Variants in NDST4 observed in about 807,000 individuals in gnomAD.
NDST4 encodes the protein N-deacetylase and N-sulfotransferase 4.
NDST4 carries 63 observed loss-of-function variants against 100.8 expected under a neutral mutation model. That is an observed-to-expected ratio of 0.62 (90% confidence interval 0.51 to 0.77). The LOEUF is 0.77. Ranked by LOEUF, NDST4 falls within the 30% of genes least tolerant of loss-of-function variation. The probability of loss-of-function intolerance (pLI) is 0.00; values close to 1 mark genes in which losing one functional copy is unlikely to be tolerated. For missense variants in NDST4, 943 were observed against 1,018.4 expected (o/e 0.93, Z 1.01); for synonymous variants, 377 against 361.8 (o/e 1.04, Z -0.48).
intron 2 of NDST4, among the ~76,000 whole-genome samples, chr4:115,039,735 T>C (rs1324632095): frequency 1.3e-5 from 2 of 152,122 alleles, no homozygotes; most frequent in Non-Finnish European, 2.9e-5. Context: ...GACAAGAGTG[T>C]GTGGTATATA....
chr4:115,020,755 C>T (rs1053202041), intron 2 of NDST4, among the ~76,000 whole-genome samples: 6 of 151,952 alleles, frequency 3.9e-5, no homozygotes, highest in Admixed American at 3.9e-4. Flanking sequence ...GGACTAAGGA[C>T]ATGAATAGAC....
At chr4:115,053,552 A>G (rs499218) in intron 2 of NDST4, among the ~76,000 whole-genome samples, 23,878 of 152,014 alleles carry the variant, frequency 0.16, 2,288 homozygotes, top group East Asian at 0.46. Flanking sequence ...GGGACATTTT[A>G]CTATATGCTT....
intron 2 of NDST4, among the ~76,000 whole-genome samples, chr4:115,052,591 A>G (rs1432422553): frequency 6.6e-6 from 1 of 151,976 alleles, no homozygotes; most frequent in Non-Finnish European, 1.5e-5. Flanking sequence ...TCCCCTACAC[A>G]AGCTCTCTTG....
intron 6 of NDST4, among the ~76,000 whole-genome samples, chr4:114,931,361 G>C (rs1472785151): frequency 2.6e-5 from 4 of 151,298 alleles, no homozygotes; most frequent in Non-Finnish European, 5.9e-5. Flanking sequence ...TTGTGAAATA[G>C]CTCTAAGAGG....
chr4:114,951,252 T>A (rs1048332074), intron 4 of NDST4, among the ~76,000 whole-genome samples: 2 of 152,078 alleles, frequency 1.3e-5, no homozygotes, highest in Non-Finnish European at 2.9e-5. Context: ...ATTTTTATCA[T>A]CCATGTTCTT....
At chr4:115,099,815 C>T (rs781564021) in intron 1 of NDST4, among the ~76,000 whole-genome samples, 3 of 152,074 alleles carry the variant, frequency 2.0e-5, no homozygotes, top group Non-Finnish European at 4.4e-5. Flanking sequence ...TTGGTATTTA[C>T]TCAATGAGTT....
At chr4:114,975,631 T>C (rs1256532000) in intron 3 of NDST4, among the ~76,000 whole-genome samples, 1 of 152,154 alleles carries the variant, frequency 6.6e-6, no homozygotes, top group Non-Finnish European at 1.5e-5. Context: ...GCACATTTAA[T>C]AGGTCTGAGT....
At chr4:115,059,348 T>C (rs1728769448) in intron 2 of NDST4, among the ~76,000 whole-genome samples, 1 of 152,072 alleles carries the variant, frequency 6.6e-6, no homozygotes, top group Non-Finnish European at 1.5e-5. Context: ...TCCATATTTG[T>C]AGACATGCAA....
intron 2 of NDST4, among the ~76,000 whole-genome samples, chr4:115,061,694 A>G (rs1351767996): frequency 6.6e-6 from 1 of 152,010 alleles, no homozygotes; most frequent in Non-Finnish European, 1.5e-5. Flanking sequence ...AACCTAGATG[A>G]CAGGTTGATG....
chr4:114,833,647 A>T lies in NDST4; in HGVS notation c.2355T>A (p.Phe785Leu). ...AATTATAACGAGGTGTAACTCCCAG[A>T]AACTTCTGGACTTCATCCATCACAG... ...PATVMDEVQK[F>L]LGVTPRYNYS... The change falls in exon 12 of 14, where the codon TTT (phenylalanine) becomes TTA (leucine). Residue 785 changes from phenylalanine to leucine, a missense_variant. Phe to Leu is a conservative substitution (Grantham distance 22, BLOSUM62 0). Coordinates refer to ENST00000264363, the MANE Select transcript of NDST4 (RefSeq NM_022569.3). 6.2e-7 allele frequency: 1 copy of T among 1,613,434 alleles called. No homozygotes were observed. Among genetic ancestry groups the T allele is most frequent in the Non-Finnish European group, 8.5e-7 (1 of 1,179,668 alleles).
chr4:114,926,421 A>G (rs13142670), intron 6 of NDST4, among the ~76,000 whole-genome samples: 151,242 of 152,194 alleles, frequency 0.99, 75,148 homozygotes, highest in Middle Eastern at 1. Flanking sequence ...GTTCATATGT[A>G]AATCAAGATG....
rs28549023 is a variant in NDST4 at position 115,037,299 on chromosome 4, T to C, written c.978+38760A>G. Among the ~76,000 whole-genome samples, 6 of 152,172 alleles carry C rather than the reference T, an allele frequency of 3.9e-5. No individual in the cohort carries two copies. The East Asian group carries it at 1.2e-3, about 29-fold the overall frequency. The stretch of plus-strand genomic sequence containing the variant: ...AAGGTAAATGAGCAAAATGTACCAC[T>C]TGGGAAGAGAAAGAGACTGTAGATG... On this transcript the variant is annotated intron_variant, in intron 2 of 13. Transcript: ENST00000264363.
intron 2 of NDST4, among the ~76,000 whole-genome samples, chr4:114,989,992 T>A (rs780522381): frequency 1.1e-4 from 16 of 152,144 alleles, no homozygotes; most frequent in Non-Finnish European, 2.1e-4. Flanking sequence ...TCGGCATAAA[T>A]CAGGTGTTCT....
At chr4:115,033,438 T>C (rs1728166416) in intron 2 of NDST4, among the ~76,000 whole-genome samples, 1 of 151,826 alleles carries the variant, frequency 6.6e-6, no homozygotes, top group South Asian at 2.1e-4. Context: ...TTTAAGTAGT[T>C]AATTGTGTCT....
intron 6 of NDST4, among the ~76,000 whole-genome samples, chr4:114,905,714 C>A (rs1343948892): frequency 6.6e-6 from 1 of 151,856 alleles, no homozygotes; most frequent in South Asian, 2.1e-4. Context: ...TAACCATTAT[C>A]CAATTAATTT....
intron 2 of NDST4, among the ~76,000 whole-genome samples, chr4:114,990,088 T>C (rs1436329066): frequency 6.6e-6 from 1 of 152,118 alleles, no homozygotes; most frequent in Non-Finnish European, 1.5e-5. Flanking sequence ...GAAGCAATTT[T>C]GTTCCAATAT....
At chr4:115,087,253 A>G (rs548697498) in intron 1 of NDST4, among the ~76,000 whole-genome samples, 1 of 152,152 alleles carries the variant, frequency 6.6e-6, no homozygotes, top group African/African-American at 2.4e-5. Flanking sequence ...CTGAAACCAG[A>G]CAGGCTATCT....
rs375701350 is a variant in NDST4 at position 115,102,379 on chromosome 4, C to T, written c.-247+11065G>A. 4.5e-4 allele frequency among the ~76,000 whole-genome samples: 68 copies of T among 152,028 alleles called. No homozygotes were observed. The East Asian group carries it at 0.012, about 26-fold the overall frequency. ...TAAAGGAGAGAGAAAAATGATTTTGCCTAATATTTAACATTAAAGTTTAAT... is the reference window on the plus strand; with the variant it reads ...TAAAGGAGAGAGAAAAATGATTTTGTCTAATATTTAACATTAAAGTTTAAT... On this transcript the variant is annotated intron_variant, in intron 1 of 13. Transcript: ENST00000264363.
rs577671685 is a variant in NDST4 at position 114,964,221 on chromosome 4, C to T, written c.1221+6209G>A. Among the ~76,000 whole-genome samples, 3 of 152,276 alleles carry T rather than the reference C, an allele frequency of 2.0e-5. No homozygotes were observed. The South Asian group carries it at 6.2e-4, about 32-fold the overall frequency. On this transcript the variant is annotated intron_variant, in intron 4 of 13. Coordinates refer to ENST00000264363, the MANE Select transcript of NDST4 (RefSeq NM_022569.3). ...CTGGTGGGAAATTGAGGTCTTCAATCCAACAGCTTGTGAGGAGCTGAATCT... is the reference window on the plus strand; with the variant it reads ...CTGGTGGGAAATTGAGGTCTTCAATTCAACAGCTTGTGAGGAGCTGAATCT...
Sources: gnomAD v4.1 joint callset for allele counts (sites outside exome capture counted in the v4.1 genomes callset) on GRCh38, gnomAD v4.1.1 for gene constraint, MANE v1.5 for transcripts, NCBI Gene and HGNC (gene_info 2026-07-23, HGNC 2026-07-21) for gene names.